Variants in TATDN1 observed in about 807,000 individuals in gnomAD.
TATDN1 encodes deoxyribonuclease TATDN1.
TATDN1 carries 40 observed loss-of-function variants against 46.4 expected under a neutral mutation model. The ratio of observed to expected loss-of-function variants is 0.86; its 90% CI spans 0.67 to 1.12. The LOEUF (loss-of-function observed/expected upper bound fraction) is 1.12, where lower values mean the gene tolerates loss of function less well. Ranked by LOEUF, TATDN1 falls within the 50% of genes most tolerant of loss-of-function variation. The pLI, the probability that TATDN1 is intolerant of heterozygous loss-of-function variation, is 0.00. For synonymous variants in TATDN1, 95 were observed against 105.6 expected (o/e 0.90, Z 0.62); for missense variants, 326 against 348.4 (o/e 0.94, Z 0.51).
intron 8 of TATDN1, among the ~76,000 whole-genome samples, chr8:124,508,232 A>G (rs1374919049): frequency 6.6e-6 from 1 of 152,216 alleles, no homozygotes; most frequent in Non-Finnish European, 1.5e-5. Context: ...CTCAAGTCTA[A>G]ACATGAAATT....
At chr8:124,499,032 C>A (rs1817724062) in intron 9 of TATDN1, among the ~76,000 whole-genome samples, 1 of 150,036 alleles carries the variant, frequency 6.7e-6, no homozygotes, top group Admixed American at 6.7e-5. Flanking sequence ...GCTCTAGCTA[C>A]TGAGGATGCT....
Position 124,518,827 on chromosome 8 carries a change from G to A in TATDN1, c.193C>T (p.Gln65Ter). 1 of 1,605,570 alleles carries A rather than the reference G, an allele frequency of 6.2e-7. No individual in the cohort carries two copies. Among genetic ancestry groups the A allele is most frequent in the Non-Finnish European group, 8.5e-7 (1 of 1,173,900 alleles). ...QDSKDALHLA[Q>*]TNGMFFSTVG... ...AGAAATATGAGGATACCATTTGTTT[G>A]TGCCAAATGCAGTGCATCTTTACTG... Residue 65 changes from glutamine to a stop codon, truncating the protein, a stop_gained, in exon 4 of 12, where the codon CAA (glutamine) becomes TAA (stop). Transcript: ENST00000276692. LOFTEE classifies it high-confidence loss of function.
chr8:124,537,026 A>G (rs974183591), intron 1 of TATDN1, among the ~76,000 whole-genome samples: 6 of 152,210 alleles, frequency 3.9e-5, no homozygotes, highest in African/African-American at 1.2e-4. Flanking sequence ...GGGCTAAAGG[A>G]AACCATACAG....
chr8:124,533,525 A>G (rs1253066841), intron 1 of TATDN1, among the ~76,000 whole-genome samples: 3 of 152,082 alleles, frequency 2.0e-5, no homozygotes, highest in Non-Finnish European at 4.4e-5. Context: ...GTCAGCTGTC[A>G]TGGTGAAACT....
intron 3 of TATDN1, among the ~76,000 whole-genome samples, chr8:124,520,438 G>GAA (rs371891058): frequency 8.8e-6 from 1 of 114,002 alleles, no homozygotes. Flanking sequence ...CTCGCCTCCA[G>GAA]AAAAAAAAAA....
At chr8:124,537,626 T>C (rs544675203) in intron 1 of TATDN1, among the ~76,000 whole-genome samples, 3 of 152,328 alleles carry the variant, frequency 2.0e-5, no homozygotes, top group East Asian at 3.9e-4. Context: ...AGGAATTTGG[T>C]TGTATAACAT....
intron 1 of TATDN1, among the ~76,000 whole-genome samples, chr8:124,526,087 T>C (rs1360229802): frequency 1.3e-5 from 2 of 152,234 alleles, no homozygotes; most frequent in African/African-American, 2.4e-5. Context: ...ATACACCCTA[T>C]AGTTCAACAA....
chr8:124,522,114 A>G (rs1820096511), intron 3 of TATDN1, 37 bp downstream of exon 3: 2 of 1,477,780 alleles, frequency 1.4e-6, no homozygotes, highest in Non-Finnish European at 1.9e-6. Context: ...TAAAAAATGA[A>G]TTTTAAAAAT....
chr8:124,502,620 A>C (rs1361281521), intron 9 of TATDN1, among the ~76,000 whole-genome samples: 1 of 152,202 alleles, frequency 6.6e-6, no homozygotes, highest in African/African-American at 2.4e-5. Flanking sequence ...CATGGGATCT[A>C]AAAATAGGAA....
chr8:124,503,107 T>C (rs1179008611), intron 9 of TATDN1, among the ~76,000 whole-genome samples: 1 of 152,172 alleles, frequency 6.6e-6, no homozygotes, highest in Admixed American at 6.5e-5. Context: ...ACAACATTTA[T>C]ATAGACATAA....
At chr8:124,502,130 C>T (rs1171523276) in intron 9 of TATDN1, among the ~76,000 whole-genome samples, 1 of 151,968 alleles carries the variant, frequency 6.6e-6, no homozygotes, top group African/African-American at 2.4e-5. Flanking sequence ...GTCAGGAGGT[C>T]GAGACCATCC....
intron 9 of TATDN1, among the ~76,000 whole-genome samples, chr8:124,501,209 T>C (rs561948087): frequency 1.3e-5 from 2 of 152,286 alleles, no homozygotes; most frequent in South Asian, 2.1e-4. Context: ...TGCTCCAAAA[T>C]ACTGTCAGGG....
intron 6 of TATDN1, among the ~76,000 whole-genome samples, chr8:124,509,973 G>A (rs959299622): frequency 6.7e-6 from 1 of 149,776 alleles, no homozygotes. Context: ...AGAGGTTGCA[G>A]TGAGCTGAGA....
At chr8:124,531,162 T>C (rs1820918531) in intron 1 of TATDN1, among the ~76,000 whole-genome samples, 1 of 152,166 alleles carries the variant, frequency 6.6e-6, no homozygotes, top group Non-Finnish European at 1.5e-5. Flanking sequence ...CTGATCTTTA[T>C]AGCTTTAACA....
At chr8:124,497,292 T>TC (rs1341069033) in intron 9 of TATDN1, among the ~76,000 whole-genome samples, 2 of 151,382 alleles carry the variant, frequency 1.3e-5, no homozygotes, top group Middle Eastern at 6.8e-3. Flanking sequence ...CTTCTTCTTT[T>TC]TTTTTTTTTT....
At chr8:124,497,286 TTC>T (rs200372197) in intron 9 of TATDN1, among the ~76,000 whole-genome samples, 77 of 144,408 alleles carry the variant, frequency 5.3e-4, no homozygotes, top group Admixed American at 1.0e-3. Flanking sequence ...TTCTTTCTTC[TTC>T]TTTTTTTTTT....
intron 8 of TATDN1, 156 bp from the exon 9 acceptor site, chr8:124,504,503 AT>A: frequency 2.3e-6 from 1 of 434,194 alleles, no homozygotes; most frequent in East Asian, 3.6e-5. Context: ...TTATTTTCAT[AT>A]TATTTTTCAC....
At chr8:124,531,961 A>T (rs951292632) in intron 1 of TATDN1, among the ~76,000 whole-genome samples, 8 of 151,938 alleles carry the variant, frequency 5.3e-5, no homozygotes. Context: ...TTGTCTGGGG[A>T]TTGCAAGCGC....
chr8:124,536,020 C>T (rs544022898), intron 1 of TATDN1, among the ~76,000 whole-genome samples: 27 of 152,324 alleles, frequency 1.8e-4, no homozygotes, highest in South Asian at 8.3e-4. Flanking sequence ...AATATCTAAA[C>T]TATATCAGGA....
Sources: gnomAD v4.1 joint callset for allele counts (sites outside exome capture counted in the v4.1 genomes callset) on GRCh38, gnomAD v4.1.1 for gene constraint, MANE v1.5 for transcripts, NCBI Gene and HGNC (gene_info 2026-07-23, HGNC 2026-07-21) for gene names.